DAB2IP: variants seen among roughly 807,000 people sequenced by gnomAD.
The protein encoded by DAB2IP is disabled homolog 2-interacting protein.
DAB2IP carries 28 observed loss-of-function variants against 107.2 expected under a neutral mutation model. The observed-to-expected ratio is 0.26, with a 90% confidence interval of 0.19 to 0.36. DAB2IP has a LOEUF of 0.36. DAB2IP is among the 10% of genes least tolerant of loss of function. The pLI is 1.00. For synonymous variants in DAB2IP, 755 were observed against 706.4 expected (o/e 1.07, Z -1.09); for missense variants, 1,400 against 1,644.7 (o/e 0.85, Z 2.57).
chr9:121,602,141 C>A (rs891914203), intron 1 of DAB2IP, among the ~76,000 whole-genome samples: 2 of 152,166 alleles, frequency 1.3e-5, no homozygotes, highest in African/African-American at 4.8e-5. Flanking sequence ...TAGTTTTCAA[C>A]AGATCTGAAT....
chr9:121,739,713 C>T (rs868522761), intron 3 of DAB2IP, among the ~76,000 whole-genome samples: 24 of 152,152 alleles, frequency 1.6e-4, no homozygotes, highest in African/African-American at 5.3e-4. Context: ...CCCAGAGGCG[C>T]TGTCAGGCAA....
chr9:121,592,622 G>C (rs1040887044), intron 1 of DAB2IP, among the ~76,000 whole-genome samples: 1 of 152,198 alleles, frequency 6.6e-6, no homozygotes, highest in East Asian at 1.9e-4. Flanking sequence ...TTGTTAGCTT[G>C]TACAACATGT....
At chr9:121,680,908 A>AT (rs1828563238) in intron 2 of DAB2IP, among the ~76,000 whole-genome samples, 1 of 151,400 alleles carries the variant, frequency 6.6e-6, no homozygotes, top group Admixed American at 6.6e-5. Context: ...ACCCCCAGCT[A>AT]TTTTTTGTAT....
chr9:121,608,809 C>T (rs1466613978), intron 1 of DAB2IP, among the ~76,000 whole-genome samples: 1 of 152,232 alleles, frequency 6.6e-6, no homozygotes, highest in Non-Finnish European at 1.5e-5. Context: ...CCTGACCTCT[C>T]CTTATGGAAC....
At chr9:121,718,124 C>T (rs1023080814) in intron 3 of DAB2IP, among the ~76,000 whole-genome samples, 3 of 152,176 alleles carry the variant, frequency 2.0e-5, no homozygotes, top group African/African-American at 4.8e-5. Flanking sequence ...CTCAGTCCCT[C>T]TGCCTGTGAA....
intron 1 of DAB2IP, among the ~76,000 whole-genome samples, chr9:121,582,900 C>T (rs1466410407): frequency 6.6e-6 from 1 of 152,230 alleles, no homozygotes. Flanking sequence ...TGGCCACAGT[C>T]ACTGCAGGAT....
intron 1 of DAB2IP, chr9:121,574,833 G>C (rs2118890731): frequency 6.6e-6 from 1 of 152,286 alleles, no homozygotes; most frequent in African/African-American, 2.4e-5. Context: ...TGCCCAGCTG[G>C]GCAGCTGGAT....
intron 1 of DAB2IP, among the ~76,000 whole-genome samples, chr9:121,621,393 A>G (rs543827471): frequency 6.6e-6 from 1 of 152,148 alleles, no homozygotes; most frequent in South Asian, 2.1e-4. Flanking sequence ...CTCCTTGCCA[A>G]CAGTTCCTTC....
chr9:121,703,627 T>G (rs7044814), intron 3 of DAB2IP, among the ~76,000 whole-genome samples: 13,345 of 152,258 alleles, frequency 0.088, 1,414 homozygotes, highest in African/African-American at 0.25. Context: ...CATAGAAATT[T>G]TCTGGTTCAG....
At position 121,652,206 on chromosome 9, in the gene DAB2IP, G is replaced by A. The variant is rs377285413; in HGVS notation, c.124+307G>A. Among the ~76,000 whole-genome samples, 11 of 152,226 alleles carry A rather than the reference G, an allele frequency of 7.2e-5. No individual in the cohort carries two copies. In the East Asian group the frequency reaches 1.5e-3, roughly 21 times the overall value. On this transcript the variant is annotated intron_variant, in intron 1 of 15. Coordinates refer to ENST00000408936, the Ensembl canonical transcript of DAB2IP. ...TGTGCCTCAGTTTACTCAGCAGCCG[G>A]GCAATAAAGTAACCCAGGGTGGATC...
intron 9 of DAB2IP, among the ~76,000 whole-genome samples, 162 bp from the exon 10 acceptor site, chr9:121,768,270 G>A (rs1834436949): frequency 6.6e-6 from 1 of 152,148 alleles, no homozygotes; most frequent in African/African-American, 2.4e-5. Context: ...AGCAAGGAGG[G>A]CCCTGGTGAC....
At chr9:121,651,564 C>G, upstream of DAB2IP, 4 of 790,194 alleles carry the variant, frequency 5.1e-6, no homozygotes, top group South Asian at 1.2e-4. This position sits in a 1 kb window ranked among gnomAD's most constrained non-coding sequence, Gnocchi z 5.1. Flanking sequence ...CCTCCGGGTC[C>G]CCAGCCCCCG....
At chr9:121,668,795 T>A (rs1340103046) in intron 1 of DAB2IP, among the ~76,000 whole-genome samples, 19 of 152,136 alleles carry the variant, frequency 1.2e-4, no homozygotes, top group Non-Finnish European at 1.5e-4. Flanking sequence ...GGCTACTGTG[T>A]AATATGATAT....
intron 1 of DAB2IP, among the ~76,000 whole-genome samples, chr9:121,586,354 C>T (rs150018245): frequency 6.6e-6 from 1 of 152,294 alleles, no homozygotes; most frequent in Non-Finnish European, 1.5e-5. Context: ...TATAGCGTTG[C>T]AGTTGGGTAA....
intron 1 of DAB2IP, among the ~76,000 whole-genome samples, chr9:121,581,026 C>A (rs969502141): frequency 6.6e-6 from 1 of 152,196 alleles, no homozygotes; most frequent in South Asian, 2.1e-4. Flanking sequence ...CCTCAAATGC[C>A]GGGATCAGGA....
chr9:121,622,825 G>T (rs1362897527), intron 1 of DAB2IP, among the ~76,000 whole-genome samples: 1 of 152,198 alleles, frequency 6.6e-6, no homozygotes, highest in Non-Finnish European at 1.5e-5. Flanking sequence ...CCAGCTTGGG[G>T]CAGGTTTGGC....
intron 3 of DAB2IP, among the ~76,000 whole-genome samples, chr9:121,739,954 G>A (rs1293630920): frequency 1.2e-4 from 18 of 152,188 alleles, no homozygotes; most frequent in Non-Finnish European, 2.9e-5. Flanking sequence ...GAGCAGGGTG[G>A]CCTGGGTTCA....
chr9:121,745,395 G>C (rs938924599), intron 3 of DAB2IP, among the ~76,000 whole-genome samples: 1 of 152,182 alleles, frequency 6.6e-6, no homozygotes, highest in Non-Finnish European at 1.5e-5. Context: ...GGAACCCTGT[G>C]GCTTACTGAG....
At chr9:121,724,032 C>T (rs1399626793) in intron 3 of DAB2IP, among the ~76,000 whole-genome samples, 7 of 152,080 alleles carry the variant, frequency 4.6e-5, no homozygotes, top group South Asian at 2.1e-4. Flanking sequence ...TTGATGGTAA[C>T]GAGGATAGTG....
Sources: gnomAD v4.1 joint callset for allele counts (sites outside exome capture counted in the v4.1 genomes callset) on GRCh38, gnomAD v4.1.1 for gene constraint, Gnocchi (gnomAD v3.1) non-coding constraint, MANE v1.5 for transcripts, NCBI Gene and HGNC (gene_info 2026-07-23, HGNC 2026-07-21) for gene names.